PDGFC: variants seen among roughly 807,000 people sequenced by gnomAD.
PDGFC encodes the protein platelet-derived growth factor C.
PDGFC carries 12 observed loss-of-function variants against 35.5 expected under a neutral mutation model. That is an observed-to-expected ratio of 0.34 (90% CI 0.22 to 0.55). The LOEUF (loss-of-function observed/expected upper bound fraction) is 0.55, where lower values mean the gene tolerates loss of function less well. Among genes scored for constraint, PDGFC ranks in the 20% least tolerant of loss-of-function variants. The pLI, the probability that PDGFC is intolerant of heterozygous loss-of-function variation, is 0.91. For missense variants in PDGFC, 322 were observed against 412.4 expected, an observed-to-expected ratio of 0.78 and a Z score of 1.90; for synonymous variants, 159 against 148.8, an observed-to-expected ratio of 1.07 and a Z score of -0.50.
chr4:156,790,910 T>C (rs1202102722), intron 3 of PDGFC, among the ~76,000 whole-genome samples: 1 of 152,176 alleles, frequency 6.6e-6, no homozygotes, highest in Non-Finnish European at 1.5e-5. Flanking sequence ...GATCTGAATC[T>C]TTTTTCCTGC....
At chr4:156,928,405 C>T (rs576608380) in intron 1 of PDGFC, among the ~76,000 whole-genome samples, 4 of 152,186 alleles carry the variant, frequency 2.6e-5, no homozygotes, top group East Asian at 3.9e-4. Flanking sequence ...TGAAAATTCA[C>T]GCATTGCACT....
At chr4:156,835,783 A>T (rs1729048714) in intron 2 of PDGFC, 1 of 152,224 alleles carries the variant, frequency 6.6e-6, no homozygotes, top group Non-Finnish European at 1.5e-5. Context: ...TAACTCCCTC[A>T]TGTAAATATG....
intron 1 of PDGFC, among the ~76,000 whole-genome samples, chr4:156,949,814 G>A (rs937175427): frequency 2.6e-5 from 4 of 151,802 alleles, no homozygotes; most frequent in African/African-American, 7.3e-5. Flanking sequence ...CTTCCCCTAC[G>A]TCCCCTTGAG....
intron 3 of PDGFC, among the ~76,000 whole-genome samples, chr4:156,775,522 T>C (rs1730806447): frequency 6.6e-6 from 1 of 152,190 alleles, no homozygotes; most frequent in African/African-American, 2.4e-5. Flanking sequence ...AATCCAAGAA[T>C]GATTTGGCTT....
chr4:156,886,657 G>A (rs1250831043), intron 1 of PDGFC: 2 of 152,020 alleles, frequency 1.3e-5, no homozygotes, highest in Non-Finnish European at 2.9e-5. Context: ...ATTTCCCCTA[G>A]GCTAGTGACT....
intron 1 of PDGFC, among the ~76,000 whole-genome samples, chr4:156,949,156 C>T (rs765254500): frequency 2.0e-5 from 3 of 151,994 alleles, no homozygotes; most frequent in East Asian, 1.9e-4. Flanking sequence ...TACTCACCAA[C>T]GGTCTCCTAC....
intron 3 of PDGFC, among the ~76,000 whole-genome samples, chr4:156,791,251 C>T (rs1731293523): frequency 6.6e-6 from 1 of 152,042 alleles, no homozygotes; most frequent in East Asian, 1.9e-4. Context: ...TCCTAGGTAC[C>T]CCACTATAAA....
intron 1 of PDGFC, among the ~76,000 whole-genome samples, chr4:156,889,973 T>C (rs1421474158): frequency 6.6e-6 from 1 of 152,168 alleles, no homozygotes; most frequent in African/African-American, 2.4e-5. Flanking sequence ...GATTGACTCA[T>C]TGACGATTAT....
intron 1 of PDGFC, among the ~76,000 whole-genome samples, chr4:156,955,678 C>A (rs1457217925): frequency 5.9e-5 from 9 of 151,884 alleles, no homozygotes; most frequent in Non-Finnish European, 1.0e-4. Context: ...AACAAAAAGA[C>A]ACACCCTTAT....
rs536309671 is a variant in PDGFC at position 156,950,528 on chromosome 4, C to T, written c.118+20258G>A. 1.8e-3 allele frequency among the ~76,000 whole-genome samples: 272 copies of T among 151,858 alleles called. 1 individual carries two copies. The highest frequency in any genetic ancestry group is 6.3e-3 in the African/African-American group (263 of 41,518). On this transcript the variant is annotated intron_variant, in intron 1 of 5. Transcript: ENST00000502773. ...GTCTAACTGCTTTTTAAGATTTTCA[C>T]ATCCTTACTTTGAAGCCCTTATGCA...
At chr4:156,839,631 G>C (rs1277830210) in intron 2 of PDGFC, among the ~76,000 whole-genome samples, 2 of 152,132 alleles carry the variant, frequency 1.3e-5, no homozygotes, top group Non-Finnish European at 2.9e-5. Context: ...CTGGGTAACA[G>C]GCAGAAACTG....
chr4:156,801,993 G>T (rs1731623833), intron 3 of PDGFC, among the ~76,000 whole-genome samples: 1 of 152,130 alleles, frequency 6.6e-6, no homozygotes, highest in South Asian at 2.1e-4. Context: ...AAATTAGTGA[G>T]CCCGAGACAA....
chr4:156,912,138 T>C (rs888704186), intron 1 of PDGFC, among the ~76,000 whole-genome samples: 6 of 152,112 alleles, frequency 3.9e-5, no homozygotes, highest in African/African-American at 1.4e-4. Context: ...GAAAAAATAT[T>C]CTAGTACAAA....
At chr4:156,775,566 T>A (rs183317254) in intron 3 of PDGFC, among the ~76,000 whole-genome samples, 37 of 152,292 alleles carry the variant, frequency 2.4e-4, no homozygotes, top group Admixed American at 1.4e-3. Flanking sequence ...ACTCTCTGAA[T>A]AAAGCATTTC....
At chr4:156,881,978 C>T (rs1032755917) in intron 1 of PDGFC, among the ~76,000 whole-genome samples, 2 of 151,996 alleles carry the variant, frequency 1.3e-5, no homozygotes, top group Admixed American at 6.6e-5. Flanking sequence ...GTCCATTAAA[C>T]CTCTTTTTAC....
chr4:156,808,695 AATG>A (rs879865008), intron 3 of PDGFC, among the ~76,000 whole-genome samples: 3 of 151,962 alleles, frequency 2.0e-5, no homozygotes, highest in Admixed American at 6.6e-5. Context: ...AGGAGTACAC[AATG>A]ATAATTCAAA....
chr4:156,855,595 T>C (rs1189224657), intron 1 of PDGFC, among the ~76,000 whole-genome samples: 1 of 152,190 alleles, frequency 6.6e-6, no homozygotes, highest in Non-Finnish European at 1.5e-5. Flanking sequence ...TTTCAAACTA[T>C]GTAAAAATGC....
intron 2 of PDGFC, among the ~76,000 whole-genome samples, chr4:156,822,389 T>G: frequency 7.5e-6 from 1 of 133,496 alleles, no homozygotes; most frequent in Non-Finnish European, 1.6e-5. Flanking sequence ...TGCATAGTAA[T>G]AAATTTAACC....
chr4:156,874,085 A>C (rs912506821), intron 1 of PDGFC: 1 of 152,182 alleles, frequency 6.6e-6, no homozygotes, highest in Admixed American at 6.5e-5. Context: ...GACTTACAAT[A>C]CTGATGGCAG....
Sources: gnomAD v4.1 joint callset for allele counts (sites outside exome capture counted in the v4.1 genomes callset) on GRCh38, gnomAD v4.1.1 for gene constraint, MANE v1.5 for transcripts, NCBI Gene and HGNC (gene_info 2026-07-23, HGNC 2026-07-21) for gene names.